The following RBFOX1 variants were observed in gnomAD, a reference collection of about 807,000 sequenced individuals.
The protein encoded by RBFOX1 is RNA binding fox-1 homolog 1, also known as RNA binding protein fox-1 homolog 1.
Under a neutral mutation model 57.7 loss-of-function variants are expected in RBFOX1, and 8 were observed. The ratio of observed to expected loss-of-function variants is 0.14; its 90% CI spans 0.08 to 0.25. RBFOX1 has a LOEUF of 0.25. Ranked by LOEUF, RBFOX1 falls within the 10% of genes least tolerant of loss-of-function variation. The probability of loss-of-function intolerance (pLI) is 1.00; values close to 1 mark genes in which losing one functional copy is unlikely to be tolerated. For synonymous variants in RBFOX1, 326 were observed against 222.4 expected (o/e 1.47, Z -4.15); for missense variants, 611 against 548.5 (o/e 1.11, Z -1.14).
chr16:7,419,217 G>T (rs1394976042), intron 4 of RBFOX1, among the ~76,000 whole-genome samples: 1 of 152,018 alleles, frequency 6.6e-6, no homozygotes, highest in Non-Finnish European at 1.5e-5. Flanking sequence ...CCCACCCCCA[G>T]CCAAGAGTTG....
At chr16:7,002,308 G>C (rs1312586477) in intron 3 of RBFOX1, among the ~76,000 whole-genome samples, 1 of 152,160 alleles carries the variant, frequency 6.6e-6, no homozygotes, top group Non-Finnish European at 1.5e-5. Flanking sequence ...GCATTTTCTT[G>C]TATCCTCTAA....
intron 1 of RBFOX1, among the ~76,000 whole-genome samples, chr16:6,244,920 A>AGTTTT (rs55870313): frequency 0.34 from 50,623 of 150,100 alleles, 10,591 homozygotes; most frequent in Non-Finnish European, 0.49. Context: ...CTGAATACCC[A>AGTTTT]GTTTTGTTTT....
intron 4 of RBFOX1, among the ~76,000 whole-genome samples, chr16:7,241,821 A>T (rs1474181528): frequency 7.2e-6 from 1 of 138,536 alleles, no homozygotes; most frequent in African/African-American, 2.7e-5. Context: ...ATATACATAT[A>T]TGTTTATACA....
intron 4 of RBFOX1, among the ~76,000 whole-genome samples, chr16:7,055,657 C>G (rs1018315327): frequency 1.3e-5 from 2 of 152,174 alleles, no homozygotes; most frequent in Non-Finnish European, 2.9e-5. Context: ...CAATCACTGG[C>G]AAGGTGAACT....
At chr16:6,170,302 G>T (rs573149522) in intron 1 of RBFOX1, among the ~76,000 whole-genome samples, 1 of 152,116 alleles carries the variant, frequency 6.6e-6, no homozygotes, top group Non-Finnish European at 1.5e-5. Flanking sequence ...CCACTGTAGT[G>T]TTAAGTCCTA....
chr16:5,568,532 G>A (rs35277861), intron 2 of RBFOX1, among the ~76,000 whole-genome samples: 54,123 of 152,032 alleles, frequency 0.36, 11,284 homozygotes, highest in East Asian at 0.52. Context: ...AGATAAGCGC[G>A]CAGGGGTTTG....
At chr16:5,639,348 A>T (rs774408025) in intron 3 of RBFOX1, among the ~76,000 whole-genome samples, 5 of 152,172 alleles carry the variant, frequency 3.3e-5, no homozygotes, top group Non-Finnish European at 5.9e-5. Context: ...GCAACATCTC[A>T]TCCACAGTTG....
chr16:6,207,904 G>GAAATTTTAA (rs2097265900), intron 1 of RBFOX1, among the ~76,000 whole-genome samples: 2 of 152,014 alleles, frequency 1.3e-5, no homozygotes, highest in African/African-American at 4.8e-5. Context: ...GCTGAGTGAT[G>GAAATTTTAA]AAATTTTAAA....
chr16:6,857,970 C>T (rs1316651424), intron 3 of RBFOX1, among the ~76,000 whole-genome samples: 2 of 152,090 alleles, frequency 1.3e-5, no homozygotes, highest in Non-Finnish European at 1.5e-5. Context: ...TTTCGTAGGT[C>T]AGATGAAGTT....
intron 3 of RBFOX1, among the ~76,000 whole-genome samples, chr16:6,815,662 C>T (rs867209957): frequency 1.3e-5 from 2 of 152,088 alleles, no homozygotes; most frequent in East Asian, 3.9e-4. Context: ...TACGCCTTAC[C>T]AGGGCCAGGA....
chr16:6,308,556 G>T (rs1001712134), intron 1 of RBFOX1, among the ~76,000 whole-genome samples: 8 of 152,180 alleles, frequency 5.3e-5, no homozygotes, highest in Non-Finnish European at 7.3e-5. Context: ...TGCTCGTGTG[G>T]CTCTGAGTAG....
chr16:5,694,927 A>G (rs1449600409), intron 3 of RBFOX1, among the ~76,000 whole-genome samples: 1 of 151,922 alleles, frequency 6.6e-6, no homozygotes, highest in African/African-American at 2.4e-5. Flanking sequence ...ATGTCTGTTA[A>G]GTAGTGTTTA....
In RBFOX1 at chr16:6,662,196, T is replaced by C. The variant is rs186558723; in HGVS notation, c.-16+7546T>C. On this transcript the variant is annotated intron_variant, in intron 3 of 15. Coordinates refer to ENST00000550418, the MANE Select transcript of RBFOX1 (RefSeq NM_018723.4). ...AAACCCTCATCATCAGATTAAGTTA[T>C]AGATAACTAATGTACAGCACAGTGA... Among the ~76,000 whole-genome samples, 557 of 152,206 alleles carry C rather than the reference T, an allele frequency of 3.7e-3. 3 individuals carry two copies. The highest frequency in any genetic ancestry group is 0.01 in the Middle Eastern group (3 of 294).
At chr16:6,761,711 T>TCAA (rs1345218094) in intron 3 of RBFOX1, among the ~76,000 whole-genome samples, 23 of 151,848 alleles carry the variant, frequency 1.5e-4, no homozygotes, top group African/African-American at 5.6e-4. Context: ...TTCACGAACT[T>TCAA]GGCCAGGCTG....
chr16:5,576,888 C>G (rs938995305), intron 2 of RBFOX1, among the ~76,000 whole-genome samples: 2 of 152,212 alleles, frequency 1.3e-5, no homozygotes, highest in Non-Finnish European at 2.9e-5. Context: ...TGATTGGATG[C>G]TGAGGAGTTA....
At chr16:6,946,654 G>A (rs985905906) in intron 3 of RBFOX1, among the ~76,000 whole-genome samples, 27 of 145,784 alleles carry the variant, frequency 1.9e-4, no homozygotes, top group African/African-American at 6.5e-4. Flanking sequence ...CCAGGCTGGA[G>A]TGCGGTAGTG....
intron 4 of RBFOX1, among the ~76,000 whole-genome samples, chr16:7,358,406 G>A (rs562481733): frequency 6.6e-6 from 1 of 151,866 alleles, no homozygotes; most frequent in Non-Finnish European, 1.5e-5. Flanking sequence ...AAGTATTTTT[G>A]TGTTTTTTGT....
intron 4 of RBFOX1, among the ~76,000 whole-genome samples, chr16:5,957,585 G>T (rs2059670274): frequency 1.3e-5 from 2 of 152,184 alleles, no homozygotes. Context: ...TTCATATGTG[G>T]AAGCAGGAGT....
chr16:7,484,526 G>T (rs181028122), intron 4 of RBFOX1, among the ~76,000 whole-genome samples: 1 of 152,120 alleles, frequency 6.6e-6, no homozygotes, highest in African/African-American at 2.4e-5. Context: ...GCACTGGCAC[G>T]ATCTCAGCTC....
Sources: allele counts gnomAD v4.1 joint callset (sites outside exome capture counted in the v4.1 genomes callset), GRCh38; gene constraint gnomAD v4.1.1; transcripts MANE v1.5; gene names NCBI Gene and HGNC (gene_info 2026-07-23, HGNC 2026-07-21).